KCNAB1: variants seen among roughly 807,000 people sequenced by gnomAD.
KCNAB1 encodes voltage-gated potassium channel subunit beta-1.
A neutral mutation model predicts 64.6 loss-of-function variants in KCNAB1; 35 were observed. The ratio of observed to expected loss-of-function variants is 0.54; its 90% confidence interval spans 0.41 to 0.72. The LOEUF (loss-of-function observed/expected upper bound fraction) is 0.72. Among genes scored for constraint, KCNAB1 ranks in the 30% least tolerant of loss-of-function variants. The pLI is 0.00. For synonymous variants in KCNAB1, 177 were observed against 183.8 expected, an observed-to-expected ratio of 0.96 and a Z score of 0.30; for missense variants, 401 against 512.9, an observed-to-expected ratio of 0.78 and a Z score of 2.11.
At chr3:156,194,706 A>G (rs1713782373) in intron 1 of KCNAB1, among the ~76,000 whole-genome samples, 1 of 152,200 alleles carries the variant, frequency 6.6e-6, no homozygotes, top group Non-Finnish European at 1.5e-5. Context: ...TTAATTATAC[A>G]TATATTAAGC....
At chr3:156,263,883 G>T (rs1486191405) in intron 1 of KCNAB1, among the ~76,000 whole-genome samples, 3 of 151,988 alleles carry the variant, frequency 2.0e-5, no homozygotes, top group Non-Finnish European at 4.4e-5. Flanking sequence ...CTGCAGATAG[G>T]GAGGGCCAAT....
Position 156,515,217 on chromosome 3 carries a change from A to G in KCNAB1, c.862A>G (p.Ile288Val). Residue 288 changes from isoleucine to valine, a missense_variant, in exon 10 of 14, where the codon ATA becomes GTA. Ile to Val is a conservative substitution (Grantham distance 29). Transcript: ENST00000490337. ...EVQLPELYHK[I>V]GVGAMTWSPL... Reference sequence around the variant, plus strand: ...CCAGCTGCCAGAGCTCTACCACAAAATAGGTAATCTTCAAAATAAAAGCTA... The same window carrying G: ...CCAGCTGCCAGAGCTCTACCACAAAGTAGGTAATCTTCAAAATAAAAGCTA... 6.2e-7 allele frequency: 1 copy of G among 1,606,496 alleles called. No individual in the cohort carries two copies. The highest frequency in any genetic ancestry group is 8.5e-7 in the Non-Finnish European group (1 of 1,177,688).
Position 156,161,983 on chromosome 3 carries a change from C to T in KCNAB1, c.275+41097C>T, listed in dbSNP as rs749320631. Among the ~76,000 whole-genome samples, 11 of 152,156 alleles carry T rather than the reference C, an allele frequency of 7.2e-5. No individual in the cohort carries two copies. The East Asian group carries it at 1.2e-3, about 16-fold the overall frequency. On this transcript the variant is annotated intron_variant, in intron 1 of 13. Coordinates refer to ENST00000490337, the MANE Select transcript of KCNAB1 (RefSeq NM_172160.3). ...CTTATGTTAAAAACAAAACCAAAACCGAAAACTACTCACATAGCATTCTTA... is the reference window on the plus strand; with the variant it reads ...CTTATGTTAAAAACAAAACCAAAACTGAAAACTACTCACATAGCATTCTTA...
chr3:156,454,123 A>T (rs762543644), intron 3 of KCNAB1, among the ~76,000 whole-genome samples: 3 of 152,240 alleles, frequency 2.0e-5, no homozygotes, highest in Non-Finnish European at 4.4e-5. Flanking sequence ...TATTGGGCAC[A>T]TGTCACCTTA....
chr3:156,438,332 G>A (rs1475408481), intron 2 of KCNAB1, among the ~76,000 whole-genome samples: 1 of 151,368 alleles, frequency 6.6e-6, no homozygotes, highest in Non-Finnish European at 1.5e-5. Flanking sequence ...GAAGCAAGGG[G>A]CAGGTGAGGT....
At chr3:156,151,009 A>G (rs145635258) in intron 1 of KCNAB1, among the ~76,000 whole-genome samples, 1 of 152,324 alleles carries the variant, frequency 6.6e-6, no homozygotes, top group East Asian at 1.9e-4. Context: ...AAGAAAGGAA[A>G]AGTAGACATC....
At chr3:156,488,246 T>C (rs1328828246) in intron 8 of KCNAB1, among the ~76,000 whole-genome samples, 1 of 147,148 alleles carries the variant, frequency 6.8e-6, no homozygotes, top group Non-Finnish European at 1.5e-5. Flanking sequence ...GAAACAATAA[T>C]ATAACAAAAA....
chr3:156,515,684 G>C (rs1438504710), intron 10 of KCNAB1, among the ~76,000 whole-genome samples: 1 of 152,168 alleles, frequency 6.6e-6, no homozygotes, highest in Non-Finnish European at 1.5e-5. Flanking sequence ...TGTGCAGATA[G>C]AACTAATGCC....
intron 8 of KCNAB1, among the ~76,000 whole-genome samples, chr3:156,510,896 G>A (rs1364453390): frequency 6.6e-6 from 1 of 152,020 alleles, no homozygotes; most frequent in African/African-American, 2.4e-5. Flanking sequence ...ATCCTGCATG[G>A]GTCCTCTCTC....
At chr3:156,171,033 ACACT>A (rs1289624075) in intron 1 of KCNAB1, among the ~76,000 whole-genome samples, 2 of 152,182 alleles carry the variant, frequency 1.3e-5, no homozygotes, top group Non-Finnish European at 2.9e-5. Context: ...GGAATTACGT[ACACT>A]GCTTTTTGGC....
At chr3:156,412,000 C>T (rs1464793098) in intron 1 of KCNAB1, among the ~76,000 whole-genome samples, 2 of 152,148 alleles carry the variant, frequency 1.3e-5, no homozygotes, top group African/African-American at 4.8e-5. Context: ...TTGAGTCATG[C>T]AGTCCATGAA....
At chr3:156,234,268 C>T (rs1327903154) in intron 1 of KCNAB1, among the ~76,000 whole-genome samples, 1 of 152,016 alleles carries the variant, frequency 6.6e-6, no homozygotes, top group Non-Finnish European at 1.5e-5. Flanking sequence ...AGGAGGAGAG[C>T]ATGATCAACT....
At chr3:156,470,040 C>T (rs1202839725) in intron 7 of KCNAB1, among the ~76,000 whole-genome samples, 4 of 152,198 alleles carry the variant, frequency 2.6e-5, no homozygotes, top group Non-Finnish European at 5.9e-5. Context: ...GTTCAGGCCA[C>T]TTCTGTGCTG....
At chr3:156,492,057 C>A (rs1184623867) in intron 8 of KCNAB1, among the ~76,000 whole-genome samples, 1 of 152,120 alleles carries the variant, frequency 6.6e-6, no homozygotes, top group East Asian at 1.9e-4. Flanking sequence ...GGAACTAGAA[C>A]TAGAATCCAA....
chr3:156,369,645 TCTC>T (rs1346963818), intron 1 of KCNAB1, among the ~76,000 whole-genome samples: 1 of 152,134 alleles, frequency 6.6e-6, no homozygotes, highest in African/African-American at 2.4e-5. Flanking sequence ...TGTAGGAAAG[TCTC>T]CTGAATTTAG....
intron 1 of KCNAB1, chr3:156,291,845 A>G: frequency 6.2e-7 from 1 of 1,604,958 alleles, no homozygotes; most frequent in African/African-American, 1.3e-5. Flanking sequence ...GCAACTGCTC[A>G]ACCTCTCGTG....
intron 5 of KCNAB1, among the ~76,000 whole-genome samples, chr3:156,463,225 G>T (rs1006685150): frequency 3.3e-5 from 5 of 152,154 alleles, no homozygotes; most frequent in Non-Finnish European, 5.9e-5. Flanking sequence ...TGGCAGAGTG[G>T]AGTCCTCCTG....
chr3:156,251,275 A>G (rs1388236277), intron 1 of KCNAB1, among the ~76,000 whole-genome samples: 3 of 152,218 alleles, frequency 2.0e-5, no homozygotes, highest in Non-Finnish European at 4.4e-5. Flanking sequence ...GCTTTAAACC[A>G]AAGTCCTGAA....
intron 12 of KCNAB1, 52 bp downstream of exon 12, chr3:156,523,999 T>C (rs1477973556): frequency 1.5e-5 from 23 of 1,553,318 alleles, no homozygotes; most frequent in Non-Finnish European, 1.8e-5. Flanking sequence ...GCTGAGATCA[T>C]AGTTTTCTAT....
Sources: gnomAD v4.1 joint callset for allele counts (sites outside exome capture counted in the v4.1 genomes callset) on GRCh38, gnomAD v4.1.1 for gene constraint, MANE v1.5 for transcripts, NCBI Gene and HGNC (gene_info 2026-07-23, HGNC 2026-07-21) for gene names.